The following RAP1GDS1 variants were observed in gnomAD, a reference collection of about 807,000 sequenced individuals.
RAP1GDS1 encodes the protein Rap1 GTPase-GDP dissociation stimulator 1.
In RAP1GDS1, 35 loss-of-function variants were observed where a neutral mutation model predicts 71.1. The ratio of observed to expected loss-of-function variants is 0.49; its 90% CI spans 0.38 to 0.65. RAP1GDS1 has a LOEUF of 0.65. RAP1GDS1 is among the 30% of genes least tolerant of loss of function. RAP1GDS1 has a pLI of 0.00. For synonymous variants in RAP1GDS1, 229 were observed against 243.1 expected (o/e 0.94, Z 0.54); for missense variants, 663 against 706.1 (o/e 0.94, Z 0.69).
chr4:98,407,242 CT>C (rs999018091), intron 7 of RAP1GDS1, among the ~76,000 whole-genome samples: 7 of 150,934 alleles, frequency 4.6e-5, no homozygotes, highest in African/African-American at 9.7e-5. Context: ...AATCTTCTCT[CT>C]TTTTTTTTGT....
At chr4:98,312,730 G>GAT (rs199836923) in intron 2 of RAP1GDS1, among the ~76,000 whole-genome samples, 13 of 150,948 alleles carry the variant, frequency 8.6e-5, no homozygotes, top group East Asian at 7.8e-4. Flanking sequence ...TAGATGTATA[G>GAT]ATATATATAT....
Position 98,416,748 on chromosome 4 carries a change from C to CTATTAAA in RAP1GDS1, c.768_774dup (p.Leu259TyrfsTer2). The CTATTAAA allele has an allele frequency of 6.3e-7, 1 of 1,597,372 alleles. No homozygotes were observed. Among genetic ancestry groups the CTATTAAA allele is most frequent in the Non-Finnish European group, 8.6e-7 (1 of 1,166,376 alleles). On this transcript the variant is annotated frameshift_variant, in exon 8 of 15. Transcript: ENST00000408927. LOFTEE classifies it high-confidence loss of function. ...TTTTGTTCACGTTGTTCTTTAGATG[C>CTATTAAA]TATTAAACTACAGCTGGTTGAAGCA...
intron 7 of RAP1GDS1, among the ~76,000 whole-genome samples, chr4:98,408,104 AT>A (rs56998297): frequency 0.052 from 7,150 of 137,330 alleles, 300 homozygotes; most frequent in African/African-American, 0.13. Context: ...ATATATATAT[AT>A]TTTTTTTTTT....
In RAP1GDS1 at chr4:98,423,137, C is replaced by T. The variant is rs534443449; in HGVS notation, c.1440+1743C>T. Among the ~76,000 whole-genome samples, 83 of 152,244 alleles carry T rather than the reference C, an allele frequency of 5.5e-4. 1 individual carries two copies. The South Asian group carries it at 0.016, about 30-fold the overall frequency. Reference sequence around the variant, plus strand: ...CAGCTTTAAAGCTACGTATGCTATTCGGGTGTAACAGAGGAAAGAAAGACT... The same window carrying T: ...CAGCTTTAAAGCTACGTATGCTATTTGGGTGTAACAGAGGAAAGAAAGACT... On this transcript the variant is annotated intron_variant, in intron 12 of 14. Coordinates refer to ENST00000408927, the MANE Select transcript of RAP1GDS1 (RefSeq NM_001100427.2).
Position 98,435,298 on chromosome 4 carries a change from G to T in RAP1GDS1, c.1567+1236G>T, listed in dbSNP as rs543143361. Among the ~76,000 whole-genome samples the T allele has an allele frequency of 4.6e-5, 7 of 152,286 alleles. No individual in the cohort carries two copies. The South Asian group carries it at 1.5e-3, about 32-fold the overall frequency. On this transcript the variant is annotated intron_variant, in intron 13 of 14. Transcript: ENST00000408927. ...TATGTGCATAGTGTGTAATGATCAA[G>T]TCAAGGTGTATAGGATATCTGTCTC... is the stretch of plus-strand genomic sequence containing the variant.
At chr4:98,417,138 G>A (rs1748153339) in intron 8 of RAP1GDS1, among the ~76,000 whole-genome samples, 1 of 152,084 alleles carries the variant, frequency 6.6e-6, no homozygotes, top group South Asian at 2.1e-4. Flanking sequence ...GGCACCAAGG[G>A]ACTAAAGAAA....
At chr4:98,361,529 A>G (rs1269238314) in intron 4 of RAP1GDS1, among the ~76,000 whole-genome samples, 1 of 152,140 alleles carries the variant, frequency 6.6e-6, no homozygotes, top group Non-Finnish European at 1.5e-5. Context: ...ATGTATTGCC[A>G]TTTATGGAGC....
chr4:98,322,844 C>T (rs1367579669), intron 2 of RAP1GDS1, among the ~76,000 whole-genome samples: 48 of 133,760 alleles, frequency 3.6e-4, no homozygotes, highest in Middle Eastern at 7.1e-3. Context: ...GACACCCTAA[C>T]ATCACAATTA....
At chr4:98,435,809 C>T (rs183303519) in intron 13 of RAP1GDS1, among the ~76,000 whole-genome samples, 236 of 151,920 alleles carry the variant, frequency 1.6e-3, no homozygotes, top group African/African-American at 5.6e-3. Context: ...GTATAAGTCA[C>T]GCCTGTAATC....
At chr4:98,314,061 C>T (rs1343605492) in intron 2 of RAP1GDS1, among the ~76,000 whole-genome samples, 1 of 152,014 alleles carries the variant, frequency 6.6e-6, no homozygotes, top group Non-Finnish European at 1.5e-5. Context: ...GTGTTATACA[C>T]CTTTTCATTG....
At chr4:98,323,102 C>T (rs1349236119) in intron 2 of RAP1GDS1, among the ~76,000 whole-genome samples, 2 of 150,768 alleles carry the variant, frequency 1.3e-5, no homozygotes, top group Non-Finnish European at 2.9e-5. Flanking sequence ...CACCACCGAT[C>T]CCACAGAAAT....
At chr4:98,423,734 G>A (rs1749213602) in intron 12 of RAP1GDS1, among the ~76,000 whole-genome samples, 1 of 151,972 alleles carries the variant, frequency 6.6e-6, no homozygotes, top group Admixed American at 6.6e-5. Context: ...AGTAGAGACG[G>A]GGTTTCTCCA....
At chr4:98,434,161 G>A in intron 13 of RAP1GDS1, 99 bp downstream of exon 13, 1 of 1,417,902 alleles carries the variant, frequency 7.1e-7, no homozygotes, top group South Asian at 1.3e-5. Context: ...TTGACTGGAA[G>A]CATTTTGCTA....
Position 98,399,667 on chromosome 4 carries a change from A to G in RAP1GDS1, c.638-4810A>G, listed in dbSNP as rs760219474. Among the ~76,000 whole-genome samples, 8 of 152,200 alleles carry G rather than the reference A, an allele frequency of 5.3e-5. No homozygotes were observed. The East Asian group carries it at 1.2e-3, about 22-fold the overall frequency. On this transcript the variant is annotated intron_variant, in intron 6 of 14. Transcript: ENST00000408927. ...AAGAAGATACAAAAATGGCTAACCA[A>G]TGTATGATAAAATGTTCAGTATCAC...
chr4:98,401,096 T>A (rs893419992), intron 6 of RAP1GDS1, among the ~76,000 whole-genome samples: 1 of 152,192 alleles, frequency 6.6e-6, no homozygotes, highest in Non-Finnish European at 1.5e-5. Flanking sequence ...ACAGTGATGT[T>A]ATCGTCCCAT....
intron 4 of RAP1GDS1, among the ~76,000 whole-genome samples, chr4:98,358,101 A>G (rs1738208999): frequency 6.6e-6 from 1 of 152,036 alleles, no homozygotes; most frequent in Non-Finnish European, 1.5e-5. Context: ...ACAACTTGAT[A>G]TGCCTTGTAA....
intron 12 of RAP1GDS1, among the ~76,000 whole-genome samples, chr4:98,431,689 G>A (rs1028888814): frequency 1.3e-4 from 20 of 152,230 alleles, no homozygotes; most frequent in African/African-American, 4.8e-4. Flanking sequence ...ATATGAACAG[G>A]AGATGATATC....
chr4:98,439,667 C>T (rs1751638630), intron 14 of RAP1GDS1, among the ~76,000 whole-genome samples: 1 of 152,088 alleles, frequency 6.6e-6, no homozygotes, highest in South Asian at 2.1e-4. Flanking sequence ...TGGAAGTTCT[C>T]TGATTATTTC....
intron 5 of RAP1GDS1, 39 bp downstream of exon 5, chr4:98,379,202 A>T (rs1216982361): frequency 6.6e-6 from 10 of 1,510,746 alleles, no homozygotes; most frequent in Non-Finnish European, 7.1e-6. Flanking sequence ...TCTGGGGGAA[A>T]AATTAAAAAT....
Sources: allele counts gnomAD v4.1 joint callset (sites outside exome capture counted in the v4.1 genomes callset), GRCh38; gene constraint gnomAD v4.1.1; transcripts MANE v1.5; gene names NCBI Gene and HGNC (gene_info 2026-07-23, HGNC 2026-07-21).